Variants in TLK1 observed in about 807,000 individuals in gnomAD.
TLK1 encodes the protein serine/threonine-protein kinase tousled-like 1.
Under a neutral mutation model 105.3 loss-of-function variants are expected in TLK1, and 24 were observed. The observed-to-expected ratio is 0.23, with a 90% CI of 0.17 to 0.32. The LOEUF (loss-of-function observed/expected upper bound fraction) is 0.32. Among genes scored for constraint, TLK1 ranks in the 10% least tolerant of loss-of-function variants. The probability of loss-of-function intolerance (pLI) is 1.00; values close to 1 mark genes in which losing one functional copy is unlikely to be tolerated. For synonymous variants in TLK1, 321 were observed against 310.4 expected, an observed-to-expected ratio of 1.03 and a Z score of -0.36; for missense variants, 558 against 910.5, an observed-to-expected ratio of 0.61 and a Z score of 4.98.
chr2:171,006,460 A>T lies in TLK1; in HGVS notation c.1768+14T>A. On this transcript the variant is annotated intron_variant, in intron 17 of 20. Coordinates refer to ENST00000431350, the MANE Select transcript of TLK1 (RefSeq NM_012290.5). ...ACTCAAGTTTAAAAAAAATTAGACA[A>T]ATTTCATAATTACCTGGCTTAAGAT... 6.4e-7 allele frequency: 1 copy of T among 1,556,884 alleles called. No individual in the cohort carries two copies. The highest frequency in any genetic ancestry group is 8.6e-7 in the Non-Finnish European group (1 of 1,157,038).
chr2:171,020,415 C>T (rs973096299), intron 12 of TLK1, among the ~76,000 whole-genome samples: 4 of 151,880 alleles, frequency 2.6e-5, no homozygotes, highest in Admixed American at 6.6e-5. Context: ...TGGCAGGAGC[C>T]TGTAGTCCCA....
chr2:171,086,135 T>G (rs1469544977), intron 2 of TLK1, among the ~76,000 whole-genome samples: 1 of 152,212 alleles, frequency 6.6e-6, no homozygotes, highest in Non-Finnish European at 1.5e-5. Context: ...TAAAAATTCA[T>G]GAAATATTTT....
At chr2:171,068,931 ATCTT>A (rs1688132536) in intron 3 of TLK1, among the ~76,000 whole-genome samples, 1 of 152,232 alleles carries the variant, frequency 6.6e-6, no homozygotes, top group Non-Finnish European at 1.5e-5. Flanking sequence ...ATAAAAATAC[ATCTT>A]TCTAATATTT....
At chr2:171,028,303 A>G in intron 12 of TLK1, 36 bp downstream of exon 12, 2 of 1,465,640 alleles carry the variant, frequency 1.4e-6, no homozygotes, top group South Asian at 1.1e-5. Flanking sequence ...TTCTGGTAGC[A>G]AATTGAACTA....
At chr2:171,132,943 A>G (rs1436805456) in intron 1 of TLK1, among the ~76,000 whole-genome samples, 1 of 152,250 alleles carries the variant, frequency 6.6e-6, no homozygotes, top group Non-Finnish European at 1.5e-5. Context: ...CTTTATTTGT[A>G]AAATGAGAAT....
intron 1 of TLK1, among the ~76,000 whole-genome samples, chr2:171,193,367 TTTTG>T (rs1327434978): frequency 6.6e-6 from 1 of 152,002 alleles, no homozygotes; most frequent in East Asian, 1.9e-4. Flanking sequence ...TGTTAATTTT[TTTTG>T]TTTGTTTTCT....
At chr2:171,214,280 C>G (rs749948760) in intron 1 of TLK1, among the ~76,000 whole-genome samples, 4 of 152,158 alleles carry the variant, frequency 2.6e-5, no homozygotes, top group African/African-American at 9.7e-5. Context: ...AGTATCCATA[C>G]GGCTTGGGTG....
At chr2:171,129,303 A>G (rs1691000061) in intron 1 of TLK1, among the ~76,000 whole-genome samples, 1 of 152,130 alleles carries the variant, frequency 6.6e-6, no homozygotes, top group Non-Finnish European at 1.5e-5. Context: ...GAGGTAACCA[A>G]TTGTTATGAA....
rs1687432420 is a variant in TLK1 at position 171,055,112 on chromosome 2, G to A, written c.610C>T (p.Pro204Ser). The change falls in exon 7 of 21, where the codon CCA becomes TCA. Residue 204 changes from proline to serine, a missense_variant. This residue lies in a region of TLK1 where 196 missense variants were observed against 239.3 expected (regional missense o/e 0.82). Coordinates refer to ENST00000431350, the MANE Select transcript of TLK1 (RefSeq NM_012290.5). ...ATAATTTTAAAGGATAATTGCTTTG[G>A]TTGTACAATAGGGTGGTCCCCAAAT... ...LAFGDHPIVQ[P>S]KQLSFKIIQT... The A allele has an allele frequency of 2.7e-6, 4 of 1,491,444 alleles. No individual in the cohort carries two copies. In the South Asian group the frequency reaches 4.5e-5, roughly 17 times the overall value. 92.4% of individuals were successfully genotyped at this position (1,491,444 alleles called of 1,614,324 possible).
intron 1 of TLK1, among the ~76,000 whole-genome samples, chr2:171,158,876 T>C (rs1451855557): frequency 6.6e-6 from 1 of 152,158 alleles, no homozygotes; most frequent in Non-Finnish European, 1.5e-5. Context: ...TGGGATAAGA[T>C]GAAAGGGGGA....
intron 4 of TLK1, chr2:171,060,011 T>C (rs1277255254): frequency 6.2e-7 from 1 of 1,611,744 alleles, no homozygotes; most frequent in South Asian, 1.1e-5. Context: ...AGGAGAGGTC[T>C]GCTTTGGACT....
At chr2:171,151,822 T>C (rs1226857754) in intron 1 of TLK1, among the ~76,000 whole-genome samples, 2 of 151,954 alleles carry the variant, frequency 1.3e-5, no homozygotes, top group African/African-American at 4.8e-5. Flanking sequence ...GTAAATGAAA[T>C]AAGTAACAGA....
intron 11 of TLK1, among the ~76,000 whole-genome samples, chr2:171,028,751 T>C (rs995467388): frequency 6.6e-6 from 1 of 152,194 alleles, no homozygotes; most frequent in African/African-American, 2.4e-5. Context: ...ATTCTAAGGA[T>C]ACAGTGAAAA....
chr2:171,197,516 C>T (rs1405611226), intron 1 of TLK1, among the ~76,000 whole-genome samples: 7 of 152,186 alleles, frequency 4.6e-5, no homozygotes, highest in Admixed American at 2.0e-4. Flanking sequence ...CAGTGGCTCA[C>T]GCCTGCAATC....
At chr2:171,222,854 G>C (rs766201805) in intron 1 of TLK1, among the ~76,000 whole-genome samples, 2 of 151,316 alleles carry the variant, frequency 1.3e-5, no homozygotes, top group Admixed American at 6.6e-5. Flanking sequence ...TCGCTCTGTC[G>C]CCCAGGCTGG....
intron 11 of TLK1, among the ~76,000 whole-genome samples, chr2:171,042,907 G>A (rs1475531550): frequency 6.6e-6 from 1 of 152,142 alleles, no homozygotes. Context: ...GCTGGAGAAT[G>A]AGGATAAAGT....
At chr2:171,222,327 TTTTATTTA>T (rs555608792) in intron 1 of TLK1, among the ~76,000 whole-genome samples, 1 of 152,080 alleles carries the variant, frequency 6.6e-6, no homozygotes, top group African/African-American at 2.4e-5. Context: ...CCTAATTCTT[TTTTATTTA>T]TTTATTTATT....
chr2:171,066,319 T>C (rs1474823517), intron 3 of TLK1, among the ~76,000 whole-genome samples: 3 of 152,172 alleles, frequency 2.0e-5, no homozygotes, highest in African/African-American at 7.2e-5. Flanking sequence ...TATCAGCAAT[T>C]TGGAGTGTAG....
chr2:171,018,881 A>G (rs1685334154), intron 12 of TLK1, among the ~76,000 whole-genome samples: 1 of 152,242 alleles, frequency 6.6e-6, no homozygotes, highest in Admixed American at 6.5e-5. Flanking sequence ...GACTGTATTA[A>G]AGAGAGAGGT....
Sources: allele counts gnomAD v4.1 joint callset (sites outside exome capture counted in the v4.1 genomes callset), GRCh38; gene constraint gnomAD v4.1.1; regional missense constraint gnomAD v4.1.1; transcripts MANE v1.5; gene names NCBI Gene and HGNC (gene_info 2026-07-23, HGNC 2026-07-21).